The following DNASE1L3 variants were observed in gnomAD, a reference collection of about 807,000 sequenced individuals.
DNASE1L3 encodes deoxyribonuclease 1L3, also known as deoxyribonuclease gamma.
DNASE1L3 carries 27 observed loss-of-function variants against 30.9 expected under a neutral mutation model. That is an observed-to-expected ratio of 0.87 (90% CI 0.64 to 1.20). The LOEUF (loss-of-function observed/expected upper bound fraction) is 1.20. Among genes scored for constraint, DNASE1L3 ranks in the 50% most tolerant of loss-of-function variants. DNASE1L3 has a pLI of 0.00. For synonymous variants in DNASE1L3, 135 were observed against 138.0 expected (o/e 0.98, Z 0.15); for missense variants, 364 against 378.2 (o/e 0.96, Z 0.31).
chr3:58,204,660 C>A, intron 4 of DNASE1L3, 109 bp downstream of exon 4: 3 of 818,002 alleles, frequency 3.7e-6, no homozygotes, highest in Non-Finnish European at 5.9e-6. Context: ...AGAAGCAATG[C>A]ACTGTCACAT....
intron 5 of DNASE1L3, among the ~76,000 whole-genome samples, chr3:58,199,989 C>T (rs139473305): frequency 3.9e-4 from 59 of 152,178 alleles, no homozygotes; most frequent in Middle Eastern, 3.4e-3. Context: ...AGTCACATTC[C>T]GAAACGAGAA....
chr3:58,194,906 G>C (rs1304709125), intron 6 of DNASE1L3, among the ~76,000 whole-genome samples: 1 of 152,126 alleles, frequency 6.6e-6, no homozygotes, highest in Admixed American at 6.6e-5. Flanking sequence ...GGGATTACAG[G>C]TGTGAGCCAC....
At chr3:58,208,881 G>C (rs893510315) in intron 1 of DNASE1L3, among the ~76,000 whole-genome samples, 1 of 152,128 alleles carries the variant, frequency 6.6e-6, no homozygotes. Context: ...AGCCAGGATA[G>C]GTGGTAGAGT....
intron 4 of DNASE1L3, among the ~76,000 whole-genome samples, chr3:58,203,614 A>G (rs1559757953): frequency 6.6e-6 from 1 of 152,168 alleles, no homozygotes; most frequent in Admixed American, 6.5e-5. Context: ...CCTAGGCAAC[A>G]TAGCGAGACC....
In DNASE1L3 at chr3:58,200,519, C is replaced by T. The variant is rs577703341; in HGVS notation, c.546+478G>A. 2.0e-5 allele frequency among the ~76,000 whole-genome samples: 3 copies of T among 152,322 alleles called. No homozygotes were observed. Among genetic ancestry groups the T allele is most frequent in the South Asian group, 2.1e-4 (1 of 4,814 alleles). On this transcript the variant is annotated intron_variant, in intron 5 of 7. Coordinates refer to ENST00000394549, the MANE Select transcript of DNASE1L3 (RefSeq NM_004944.4). This position sits in a 1 kb window ranked among gnomAD's most constrained non-coding sequence, Gnocchi z 4.2. ...CCTGGATCCAGCTATGCCTGAAGTA[C>T]TCCTGGACATTTCAGTTACACAAAC...
chr3:58,192,412 A>G lies in DNASE1L3; in HGVS notation c.*275T>C. The G allele has an allele frequency of 3.9e-6, 1 of 257,298 alleles. No homozygotes were observed. The highest frequency in any genetic ancestry group is 7.3e-6 in the Non-Finnish European group (1 of 136,722). The allele number at this position is 257,298 out of a possible 1,614,324, so 15.9% of individuals were successfully genotyped here. ...TCGCATGACAGGGTTGAGCAGGGCC[A>G]GTGACAGTGGATGGGGCTCTGGCTC... On this transcript the variant is annotated 3_prime_UTR_variant, in exon 8 of 8. Coordinates refer to ENST00000394549, the MANE Select transcript of DNASE1L3 (RefSeq NM_004944.4). The surrounding 1 kb of genome is among the most constrained non-coding windows in gnomAD (Gnocchi z 4.8).
chr3:58,195,718 G>A (rs992469747), intron 6 of DNASE1L3, among the ~76,000 whole-genome samples: 15 of 151,378 alleles, frequency 9.9e-5, no homozygotes, highest in East Asian at 5.8e-4. Context: ...CCCGGGAGGC[G>A]GAGGTTGCAG....
chr3:58,205,443 T>C lies in DNASE1L3; in HGVS notation c.320+28A>G, dbSNP rs375098703. 10 of 1,579,778 alleles carry C rather than the reference T, an allele frequency of 6.3e-6. No individual in the cohort carries two copies. In the African/African-American group the frequency reaches 9.4e-5, roughly 15 times the overall value. On this transcript the variant is annotated intron_variant, in intron 3 of 7. Transcript: ENST00000394549. ...TCAATTCACGATTTATTGGTGGCCA[T>C]GTTCCAGGGAGCATAGGTGATACTT...
Position 58,210,956 on chromosome 3 carries a change from G to T in DNASE1L3, c.-50C>A. 6.2e-7 allele frequency: 1 copy of T among 1,604,856 alleles called. No homozygotes were observed. Among genetic ancestry groups the T allele is most frequent in the South Asian group, 1.1e-5 (1 of 90,660 alleles). On this transcript the variant is annotated 5_prime_UTR_variant, in exon 1 of 8. Coordinates refer to ENST00000394549, the MANE Select transcript of DNASE1L3 (RefSeq NM_004944.4). ...CTCTGTGAGAAGACAGCAGTGCTTG[G>T]AGTGCTGGATTCTGGCCACTTCCGC... is the stretch of plus-strand genomic sequence containing the variant.
intron 5 of DNASE1L3, among the ~76,000 whole-genome samples, chr3:58,199,666 G>GA (rs558550386): frequency 3.7e-3 from 432 of 118,154 alleles, no homozygotes; most frequent in East Asian, 5.8e-3. Flanking sequence ...TTCATCTCAA[G>GA]AAAAAAAAAA....
At chr3:58,201,757 G>C (rs1455151413) in intron 4 of DNASE1L3, among the ~76,000 whole-genome samples, 1 of 152,254 alleles carries the variant, frequency 6.6e-6, no homozygotes, top group Non-Finnish European at 1.5e-5. Flanking sequence ...CCAATAGAGA[G>C]ACAGGACACA....
Position 58,192,509 on chromosome 3 carries a change from A to C in DNASE1L3, c.*178T>G. On this transcript the variant is annotated 3_prime_UTR_variant, in exon 8 of 8. Transcript: ENST00000394549. The surrounding 1 kb of genome is among the most constrained non-coding windows in gnomAD (Gnocchi z 4.8). ...TTTTAGACAATTCAGGGGAGGTATG[A>C]GACCAAGAGAGATACAAAAGATTCT... 2 of 587,704 alleles carry C rather than the reference A, an allele frequency of 3.4e-6. No individual in the cohort carries two copies. Among genetic ancestry groups the C allele is most frequent in the East Asian group, 6.7e-5 (2 of 29,874 alleles). 36.4% of individuals were successfully genotyped at this position (587,704 alleles called of 1,614,324 possible).
At chr3:58,194,046 C>T (rs781616093) in intron 6 of DNASE1L3, among the ~76,000 whole-genome samples, 3 of 152,094 alleles carry the variant, frequency 2.0e-5, no homozygotes, top group Non-Finnish European at 4.4e-5. Flanking sequence ...AGAAATTAAG[C>T]GATTTAATGG....
chr3:58,206,132 G>T (rs904294783), intron 2 of DNASE1L3, among the ~76,000 whole-genome samples: 5 of 152,176 alleles, frequency 3.3e-5, no homozygotes, highest in African/African-American at 1.2e-4. Flanking sequence ...TATCCTGGGT[G>T]CTGGGGATAC....
Position 58,201,093 on chromosome 3 carries a change from C to T in DNASE1L3, c.450G>A (p.Val150=). 1 of 1,608,772 alleles carries T rather than the reference C, an allele frequency of 6.2e-7. No individual in the cohort carries two copies. The highest frequency in any genetic ancestry group is 8.5e-7 in the Non-Finnish European group (1 of 1,176,656). Residue 150 remains valine, a synonymous_variant, in exon 5 of 8, where the codon GTG becomes GTA. Coordinates refer to ENST00000394549, the MANE Select transcript of DNASE1L3 (RefSeq NM_004944.4). ...QSPHTAVKDF[V]IIPLHTTPET... ...CTGGGGTGGTGTGCAGGGGGATAAT[C>T]ACGAAGTCTTTGACAGCTGAGAAAC... is the stretch of plus-strand genomic sequence containing the variant.
chr3:58,208,402 G>A (rs2097405463), intron 1 of DNASE1L3, 96 bp from the exon 2 acceptor site: 3 of 1,269,684 alleles, frequency 2.4e-6, no homozygotes, highest in African/African-American at 1.5e-5. Flanking sequence ...ATTGCACTGA[G>A]TGCTTATTAA....
rs1246557281 is a variant in DNASE1L3 at position 58,192,270 on chromosome 3, C to G, written c.*417G>C. 1 of 156,968 alleles carries G rather than the reference C, an allele frequency of 6.4e-6. No homozygotes were observed. The highest frequency in any genetic ancestry group is 2.4e-5 in the African/African-American group (1 of 41,482). The allele number at this position is 156,968 out of a possible 1,614,324, so 9.7% of individuals were successfully genotyped here. A position where few individuals can be genotyped will look rare whatever the true frequency, so the allele number is the denominator to read the frequency against. Reference sequence around the variant, plus strand: ...GAGAGGAGGGGGCAGACTCTTAAAACAGTTAATTGCCCAAATCACAGGGGC... The same window carrying G: ...GAGAGGAGGGGGCAGACTCTTAAAAGAGTTAATTGCCCAAATCACAGGGGC... On this transcript the variant is annotated 3_prime_UTR_variant, in exon 8 of 8. Coordinates refer to ENST00000394549, the MANE Select transcript of DNASE1L3 (RefSeq NM_004944.4). The surrounding 1 kb of genome is among the most constrained non-coding windows in gnomAD (Gnocchi z 4.8).
Position 58,204,984 on chromosome 3 carries a change from C to A in DNASE1L3, c.321-103G>T, listed in dbSNP as rs113794167. 5.6e-4 allele frequency: 574 copies of A among 1,029,684 alleles called. 2 individuals are homozygous for A. In the African/African-American group the frequency reaches 8.2e-3, roughly 15 times the overall value. The allele number at this position is 1,029,684 out of a possible 1,614,324, so 63.8% of individuals were successfully genotyped here. A position where few individuals can be genotyped will look rare whatever the true frequency, so the allele number is the denominator to read the frequency against. On this transcript the variant is annotated intron_variant, in intron 3 of 7. Coordinates refer to ENST00000394549, the MANE Select transcript of DNASE1L3 (RefSeq NM_004944.4). Reference sequence around the variant, plus strand: ...CCCATGGCTTTCTCAGAAGCCAGAGCAGGCTCAAGCACAGGATCGTTTTCC... The same window carrying A: ...CCCATGGCTTTCTCAGAAGCCAGAGAAGGCTCAAGCACAGGATCGTTTTCC...
At chr3:58,196,109 G>A (rs190062533) in intron 6 of DNASE1L3, among the ~76,000 whole-genome samples, 16 of 152,208 alleles carry the variant, frequency 1.1e-4, no homozygotes, top group Admixed American at 8.5e-4. Context: ...ATGTGTAACT[G>A]AGTGAGTGGC....
Sources: allele counts gnomAD v4.1 joint callset (sites outside exome capture counted in the v4.1 genomes callset), GRCh38; gene constraint gnomAD v4.1.1; non-coding constraint Gnocchi (gnomAD v3.1); transcripts MANE v1.5; gene names NCBI Gene and HGNC (gene_info 2026-07-23, HGNC 2026-07-21).